The following CNTN4 variants were observed in gnomAD, a reference collection of about 807,000 sequenced individuals.
The protein encoded by CNTN4 is contactin 4, also known as contactin-4.
A neutral mutation model predicts 122.5 loss-of-function variants in CNTN4; 77 were observed. The observed-to-expected ratio is 0.63, with a 90% CI of 0.52 to 0.76. The LOEUF (loss-of-function observed/expected upper bound fraction) is 0.76. CNTN4 is among the 30% of genes least tolerant of loss of function. CNTN4 has a pLI of 0.00. For missense variants in CNTN4, 1,256 were observed against 1,259.1 expected (o/e 1.00, Z 0.04); for synonymous variants, 512 against 447.0 (o/e 1.15, Z -1.83).
At chr3:2,840,029 G>A (rs527726316) in intron 7 of CNTN4, among the ~76,000 whole-genome samples, 42 of 152,242 alleles carry the variant, frequency 2.8e-4, no homozygotes, top group African/African-American at 9.1e-4. Flanking sequence ...CTCTGGTGAC[G>A]TTCCTATAGG....
intron 3 of CNTN4, among the ~76,000 whole-genome samples, chr3:2,526,874 C>G (rs1173234249): frequency 6.6e-6 from 1 of 152,116 alleles, no homozygotes; most frequent in Admixed American, 6.6e-5. Flanking sequence ...AACAGAGCAG[C>G]ATATGTGCAA....
intron 14 of CNTN4, chr3:2,999,063 GTATTCAATCCA>G (rs1426414865): frequency 3.3e-5 from 5 of 152,184 alleles, no homozygotes; most frequent in Non-Finnish European, 7.4e-5. Context: ...CATCCAGGCT[GTATTCAATCCA>G]TATCTACATC....
chr3:2,932,881 G>A (rs2094534887), intron 13 of CNTN4, among the ~76,000 whole-genome samples: 1 of 152,036 alleles, frequency 6.6e-6, no homozygotes, highest in African/African-American at 2.4e-5. Flanking sequence ...GGAGGGCAGT[G>A]GCGCGATCTC....
At chr3:2,608,462 TAAAA>T (rs34517474) in intron 4 of CNTN4, among the ~76,000 whole-genome samples, 41,873 of 151,938 alleles carry the variant, frequency 0.28, 7,146 homozygotes, top group Middle Eastern at 0.41. Flanking sequence ...GCTGTCTGTT[TAAAA>T]AAGAAAGAAA....
At chr3:2,766,754 T>G (rs937033083) in intron 6 of CNTN4, among the ~76,000 whole-genome samples, 1 of 152,012 alleles carries the variant, frequency 6.6e-6, no homozygotes. Flanking sequence ...AAATAAAAAA[T>G]TAAAAATTCA....
chr3:2,768,432 G>A (rs189980564), intron 6 of CNTN4, among the ~76,000 whole-genome samples: 135 of 152,308 alleles, frequency 8.9e-4, no homozygotes, highest in African/African-American at 3.0e-3. Context: ...TCTTTCAGCT[G>A]AAATTGTATT....
intron 5 of CNTN4, among the ~76,000 whole-genome samples, chr3:2,736,567 G>A (rs1486814214): frequency 3.3e-5 from 5 of 151,442 alleles, no homozygotes; most frequent in African/African-American, 9.7e-5. Context: ...AGGTTCAAGC[G>A]ATTCTCCTGC....
At chr3:2,967,540 A>C (rs1263835175) in intron 13 of CNTN4, among the ~76,000 whole-genome samples, 1 of 152,206 alleles carries the variant, frequency 6.6e-6, no homozygotes, top group African/African-American at 2.4e-5. Context: ...TATAAACTAT[A>C]AACTGAGTTC....
At chr3:2,581,314 T>C (rs2079927485) in intron 4 of CNTN4, among the ~76,000 whole-genome samples, 1 of 152,096 alleles carries the variant, frequency 6.6e-6, no homozygotes, top group Non-Finnish European at 1.5e-5. Flanking sequence ...TAGAATCCAC[T>C]GGTCTGACCT....
intron 14 of CNTN4, among the ~76,000 whole-genome samples, chr3:3,016,130 T>TA (rs1037673645): frequency 9.2e-5 from 14 of 152,356 alleles, no homozygotes; most frequent in African/African-American, 3.4e-4. Context: ...GATTCTTTTT[T>TA]ATCTTCCATC....
chr3:2,843,528 A>G (rs2150546177), intron 7 of CNTN4, among the ~76,000 whole-genome samples: 1 of 152,170 alleles, frequency 6.6e-6, no homozygotes. Context: ...GTAACCCCCC[A>G]ATGTTGGAGG....
At chr3:2,932,045 G>A (rs1282772602) in intron 13 of CNTN4, among the ~76,000 whole-genome samples, 3 of 151,666 alleles carry the variant, frequency 2.0e-5, no homozygotes, top group Admixed American at 2.0e-4. Context: ...GTGCATGTGT[G>A]TGTGTGGCCG....
At chr3:2,407,148 C>G (rs183584125) in intron 3 of CNTN4, among the ~76,000 whole-genome samples, 1 of 152,068 alleles carries the variant, frequency 6.6e-6, no homozygotes, top group African/African-American at 2.4e-5. Context: ...GAAAATTTAG[C>G]TCGTGTTATT....
intron 3 of CNTN4, among the ~76,000 whole-genome samples, chr3:2,351,617 C>T (rs6796999): frequency 7.3e-4 from 111 of 152,252 alleles, no homozygotes; most frequent in African/African-American, 2.6e-3. Context: ...GATTTCTTCA[C>T]GCTACTCGGA....
chr3:2,216,112 A>T (rs2038829595), intron 2 of CNTN4, among the ~76,000 whole-genome samples: 1 of 152,174 alleles, frequency 6.6e-6, no homozygotes, highest in Admixed American at 6.5e-5. Context: ...ACTCTTCACA[A>T]TAGCAAAGAC....
rs534279261 is a variant in CNTN4, at chr3:2,772,494, A to T, written c.358+26797A>T. 2.2e-4 allele frequency among the ~76,000 whole-genome samples: 34 copies of T among 152,226 alleles called. No homozygotes were observed. In the East Asian group the frequency reaches 5.4e-3, roughly 24 times the overall value. ...TGTCTTGGATGGTGGGGTATCATTGACTAACTTTGGAATCAGGTTAGGGTT... is the reference window on the plus strand; with the variant it reads ...TGTCTTGGATGGTGGGGTATCATTGTCTAACTTTGGAATCAGGTTAGGGTT... On this transcript the variant is annotated intron_variant, in intron 6 of 24. Transcript: ENST00000418658.
chr3:2,704,466 T>G (rs999819146), intron 4 of CNTN4, among the ~76,000 whole-genome samples: 1 of 151,944 alleles, frequency 6.6e-6, no homozygotes, highest in Non-Finnish European at 1.5e-5. Flanking sequence ...CAAAAATGAT[T>G]TCCAATGGCA....
intron 2 of CNTN4, among the ~76,000 whole-genome samples, chr3:2,250,918 C>A (rs780753243): frequency 6.6e-6 from 1 of 151,726 alleles, no homozygotes; most frequent in African/African-American, 2.4e-5. Context: ...AAGAAGAGAT[C>A]ATTTTAAAGG....
At chr3:2,532,218 G>C (rs1559646306) in intron 3 of CNTN4, among the ~76,000 whole-genome samples, 1 of 152,084 alleles carries the variant, frequency 6.6e-6, no homozygotes, top group African/African-American at 2.4e-5. Context: ...TTGTGAGATA[G>C]TTTTTCCTAG....
Sources: allele counts gnomAD v4.1 joint callset (sites outside exome capture counted in the v4.1 genomes callset), GRCh38; gene constraint gnomAD v4.1.1; transcripts MANE v1.5; gene names NCBI Gene and HGNC (gene_info 2026-07-23, HGNC 2026-07-21).